ZNF248: variants seen among roughly 807,000 people sequenced by gnomAD.
ZNF248 encodes the protein zinc finger protein 248.
A neutral mutation model predicts 44.3 loss-of-function variants in ZNF248; 20 were observed. The ratio of observed to expected loss-of-function variants is 0.45; its 90% CI spans 0.32 to 0.66. The LOEUF (loss-of-function observed/expected upper bound fraction) is 0.66, where lower values mean the gene tolerates loss of function less well. Ranked by LOEUF, ZNF248 falls within the 30% of genes least tolerant of loss-of-function variation. The pLI is 0.04. For synonymous variants in ZNF248, 224 were observed against 229.0 expected, an observed-to-expected ratio of 0.98 and a Z score of 0.20; for missense variants, 654 against 677.0, an observed-to-expected ratio of 0.97 and a Z score of 0.38.
chr10:37,789,028 T>A (rs2048211673), intron 6 of ZNF248, among the ~76,000 whole-genome samples: 1 of 151,990 alleles, frequency 6.6e-6, no homozygotes. Context: ...CATGCCTCCA[T>A]CCCCGGCTAA....
intron 6 of ZNF248, among the ~76,000 whole-genome samples, chr10:37,780,252 C>T (rs2047121794): frequency 6.6e-6 from 1 of 152,092 alleles, no homozygotes; most frequent in African/African-American, 2.4e-5. Context: ...ATCACACTAC[C>T]TGACTTCAAA....
chr10:37,815,592 T>C (rs574261902), intron 6 of ZNF248, among the ~76,000 whole-genome samples: 2 of 152,224 alleles, frequency 1.3e-5, no homozygotes, highest in African/African-American at 4.8e-5. Flanking sequence ...GACAGTGTTT[T>C]AATTTGTCTG....
intron 3 of ZNF248, among the ~76,000 whole-genome samples, chr10:37,854,962 C>T (rs915728238): frequency 6.6e-6 from 1 of 152,168 alleles, no homozygotes; most frequent in African/African-American, 2.4e-5. Context: ...GAATAAAGGA[C>T]CCCATCCACA....
chr10:37,763,580 C>T, the ZNF248 span, among the ~76,000 whole-genome samples: 35 of 152,152 alleles, frequency 2.3e-4, no homozygotes, highest in African/African-American at 8.2e-4. Context: ...TAAAAAAGAA[C>T]ACAGTGATTT....
chr10:37,779,197 C>A (rs910310319), intron 6 of ZNF248, among the ~76,000 whole-genome samples: 10 of 152,202 alleles, frequency 6.6e-5, no homozygotes, highest in Middle Eastern at 3.4e-3. Context: ...CAAAGCCAGG[C>A]AGAGACACAA....
At position 37,831,682 on chromosome 10, in the gene ZNF248, C is replaced by T; in HGVS notation, c.1673G>A (p.Ser558Asn). The change falls in exon 6 of 6, where the codon AGT becomes AAT. Residue 558 changes from serine to asparagine, a missense_variant. Physicochemically the swap from Ser to Asn is conservative, Grantham distance 46 (BLOSUM62 1). Coordinates refer to ENST00000395867, the MANE Select transcript of ZNF248 (RefSeq NM_021045.3). ...ATGTTTGGTGAGCACTGACCTCTGA[C>T]TAAAGGTCTTCCCACATGCATTACA... ...YECNACGKTF[S>N]QRSVLTKHQR... 6.2e-7 allele frequency: 1 copy of T among 1,613,942 alleles called. No individual in the cohort carries two copies. Among genetic ancestry groups the T allele is most frequent in the Non-Finnish European group, 8.5e-7 (1 of 1,179,880 alleles).
At chr10:37,824,183 G>A (rs1372145620), downstream of ZNF248, among the ~76,000 whole-genome samples, 1 of 152,146 alleles carries the variant, frequency 6.6e-6, no homozygotes, top group East Asian at 1.9e-4. Flanking sequence ...TTTCAATTGA[G>A]TCTAAAGGCA....
intron 6 of ZNF248, among the ~76,000 whole-genome samples, chr10:37,810,553 G>A (rs1257005154): frequency 1.3e-5 from 2 of 151,928 alleles, no homozygotes; most frequent in African/African-American, 4.8e-5. Context: ...CCAACATATT[G>A]GAAAAGTTTT....
chr10:37,827,092 A>C (rs909063803), downstream of ZNF248, among the ~76,000 whole-genome samples: 4 of 152,214 alleles, frequency 2.6e-5, no homozygotes, highest in African/African-American at 9.6e-5. Flanking sequence ...TCTAGGCCTG[A>C]GAAAGCTAAG....
chr10:37,778,564 T>G (rs909308012), intron 6 of ZNF248, among the ~76,000 whole-genome samples: 7 of 152,084 alleles, frequency 4.6e-5, no homozygotes, highest in South Asian at 4.1e-4. Context: ...GTCAATTTTG[T>G]CTTTTGTTGC....
chr10:37,793,311 G>A (rs2048778359), intron 6 of ZNF248, among the ~76,000 whole-genome samples: 1 of 152,002 alleles, frequency 6.6e-6, no homozygotes, highest in South Asian at 2.1e-4. Flanking sequence ...CTCCAGCCTG[G>A]GTGACAGAGA....
chr10:37,832,779 A>G lies in ZNF248; in HGVS notation c.576T>C (p.Tyr192=). The G allele has an allele frequency of 6.2e-7, 1 of 1,613,688 alleles. No homozygotes were observed. The highest frequency in any genetic ancestry group is 8.5e-7 in the Non-Finnish European group (1 of 1,179,836). The change falls in exon 6 of 6, where the codon TAT becomes TAC. Residue 192 remains tyrosine (Y), a synonymous_variant. Transcript: ENST00000395867. ...AATTAATGGCATTCCTTTTTTGATCATATTTATAAGACTTCTCTCCAATAG... is the reference window on the plus strand; with the variant it reads ...AATTAATGGCATTCCTTTTTTGATCGTATTTATAAGACTTCTCTCCAATAG... The part of the protein sequence containing the change: ...KIPIGEKSYK[Y]DQKRNAINYH...
the ZNF248 span, among the ~76,000 whole-genome samples, chr10:37,762,688 G>A: frequency 6.6e-6 from 1 of 152,178 alleles, no homozygotes; most frequent in Non-Finnish European, 1.5e-5. Flanking sequence ...GTACTAGAAA[G>A]CAATGGCAAA....
At position 37,832,445 on chromosome 10, in the gene ZNF248, C is replaced by T; in HGVS notation, c.910G>A (p.Glu304Lys). The T allele has an allele frequency of 6.2e-7, 1 of 1,613,954 alleles. No individual in the cohort carries two copies. Among genetic ancestry groups the T allele is most frequent in the Non-Finnish European group, 8.5e-7 (1 of 1,179,928 alleles). The change falls in exon 6 of 6, where the codon GAA becomes AAA. Residue 304 changes from glutamate (E) to lysine (K), a missense_variant. Transcript: ENST00000395867. ...AAAGCTGAATTGTCACAGAAGATTT[C>T]CCCATATTCATTATATTCATAAGGA... ...DNPYEYNEYG[E>K]IFCDNSAFII...
downstream of ZNF248, among the ~76,000 whole-genome samples, chr10:37,773,750 G>T (rs776115156): frequency 6.6e-6 from 1 of 152,114 alleles, no homozygotes; most frequent in Non-Finnish European, 1.5e-5. Context: ...GAAGACACCA[G>T]TTAGACTGGA....
chr10:37,816,004 AAAGAG>A (rs1589383286), intron 6 of ZNF248, among the ~76,000 whole-genome samples: 1 of 150,964 alleles, frequency 6.6e-6, no homozygotes, highest in African/African-American at 2.4e-5. Flanking sequence ...AAAAAAAAAA[AAAGAG>A]AGAGAGAGAG....
intron 6 of ZNF248, among the ~76,000 whole-genome samples, chr10:37,817,807 T>G (rs1348733208): frequency 6.6e-6 from 1 of 152,234 alleles, no homozygotes; most frequent in Non-Finnish European, 1.5e-5. Flanking sequence ...AGCTGAGCCT[T>G]TGTGCTACAA....
intron 3 of ZNF248, among the ~76,000 whole-genome samples, chr10:37,850,393 T>A (rs1300807633): frequency 6.6e-6 from 1 of 152,212 alleles, no homozygotes; most frequent in African/African-American, 2.4e-5. Context: ...AGTATCTTGA[T>A]GAAATTCCTA....
At position 37,830,182 on chromosome 10, in the gene ZNF248, T is replaced by G. The variant is rs1050732956; in HGVS notation, c.*1433A>C. Reference sequence around the variant, plus strand: ...TACCGCCACTTTTTGAGGAGTGCAGTGTTACTGCTTGTTAACCTTTGCATA... The same window carrying G: ...TACCGCCACTTTTTGAGGAGTGCAGGGTTACTGCTTGTTAACCTTTGCATA... On this transcript the variant is annotated 3_prime_UTR_variant, in exon 6 of 6. Coordinates refer to ENST00000395867, the MANE Select transcript of ZNF248 (RefSeq NM_021045.3). 24 of 985,282 alleles carry G rather than the reference T, an allele frequency of 2.4e-5. No homozygotes were observed. The highest frequency in any genetic ancestry group is 2.9e-5 in the Non-Finnish European group (24 of 829,934). The allele number at this position is 985,282 out of a possible 1,614,324, so 61.0% of individuals were successfully genotyped here.
Sources: allele counts gnomAD v4.1 joint callset (sites outside exome capture counted in the v4.1 genomes callset), GRCh38; gene constraint gnomAD v4.1.1; transcripts MANE v1.5; gene names NCBI Gene and HGNC (gene_info 2026-07-23, HGNC 2026-07-21).